The following STK24 variants were observed in gnomAD, a reference collection of about 807,000 sequenced individuals.
The protein encoded by STK24 is serine/threonine-protein kinase 24.
STK24 carries 21 observed loss-of-function variants against 55.6 expected under a neutral mutation model. The ratio of observed to expected loss-of-function variants is 0.38; its 90% CI spans 0.27 to 0.54. The LOEUF (loss-of-function observed/expected upper bound fraction) is 0.54, where lower values mean the gene tolerates loss of function less well. STK24 is among the 20% of genes least tolerant of loss of function. The probability of loss-of-function intolerance (pLI) is 0.79; values close to 1 mark genes in which losing one functional copy is unlikely to be tolerated. For synonymous variants in STK24, 200 were observed against 215.2 expected (o/e 0.93, Z 0.62); for missense variants, 383 against 538.4 (o/e 0.71, Z 2.86).
chr13:98,446,315 A>G lies in STK24; in HGVS notation c.*6858T>C, dbSNP rs1892832290. The G allele has an allele frequency of 4.3e-6, 3 of 704,502 alleles. No individual in the cohort carries two copies. The East Asian group carries it at 7.7e-5, about 18-fold the overall frequency. The allele number at this position is 704,502 out of a possible 1,614,324, so 43.6% of individuals were successfully genotyped here. A position where few individuals can be genotyped will look rare whatever the true frequency, so the allele number is the denominator to read the frequency against. On this transcript the variant is annotated 3_prime_UTR_variant, in exon 11 of 11. Transcript: ENST00000539966. ...TCAGGCCTCTTGGGCTCCAGGTGTC[A>G]CGGGGATGACAGGGATGCTGGCGGG... is the stretch of plus-strand genomic sequence containing the variant.
intron 1 of STK24, among the ~76,000 whole-genome samples, chr13:98,552,552 C>A (rs1252903659): frequency 6.6e-6 from 1 of 152,150 alleles, no homozygotes; most frequent in East Asian, 1.9e-4. Flanking sequence ...AGCTTTTAAA[C>A]CTGGCCTCGA....
At chr13:98,543,093 C>T (rs1015454835) in intron 1 of STK24, 27 of 898,206 alleles carry the variant, frequency 3.0e-5, no homozygotes, top group Middle Eastern at 5.7e-4. Context: ...GCCGCAGCTC[C>T]GCTCCGGCTG....
chr13:98,564,334 G>C (rs1897510677), intron 1 of STK24, among the ~76,000 whole-genome samples: 1 of 152,242 alleles, frequency 6.6e-6, no homozygotes, highest in African/African-American at 2.4e-5. Context: ...GCTAAGAGGA[G>C]CTGGACAGAT....
chr13:98,503,260 G>T (rs1895557378), intron 2 of STK24, among the ~76,000 whole-genome samples: 1 of 152,112 alleles, frequency 6.6e-6, no homozygotes, highest in African/African-American at 2.4e-5. Context: ...GATGGCTGCA[G>T]AAAGTCAGAG....
chr13:98,532,773 CA>C (rs1896615691), intron 1 of STK24, among the ~76,000 whole-genome samples: 1 of 152,210 alleles, frequency 6.6e-6, no homozygotes, highest in Admixed American at 6.5e-5. Flanking sequence ...TGCTTTTCTA[CA>C]CATTACAATA....
intron 9 of STK24, among the ~76,000 whole-genome samples, chr13:98,458,055 A>G (rs1893540486): frequency 6.6e-6 from 1 of 152,252 alleles, no homozygotes; most frequent in Non-Finnish European, 1.5e-5. Flanking sequence ...AAACTCCAGC[A>G]AACTGCCTTT....
At chr13:98,521,687 G>A in intron 1 of STK24, 1 of 721,992 alleles carries the variant, frequency 1.4e-6, no homozygotes, top group Admixed American at 1.9e-5. Flanking sequence ...GGATGCGGGG[G>A]AAGCAGCGCA....
At chr13:98,474,506 C>T (rs1894287745) in intron 5 of STK24, among the ~76,000 whole-genome samples, 1 of 152,254 alleles carries the variant, frequency 6.6e-6, no homozygotes, top group Non-Finnish European at 1.5e-5. Flanking sequence ...CGCCTCCACC[C>T]CTCACCACCA....
At chr13:98,573,879 A>G (rs1897804988) in intron 1 of STK24, among the ~76,000 whole-genome samples, 1 of 152,176 alleles carries the variant, frequency 6.6e-6, no homozygotes, top group South Asian at 2.1e-4. Flanking sequence ...CTACATCTCA[A>G]ACGGTACCGG....
chr13:98,487,163 G>C (rs1234716867), intron 2 of STK24, among the ~76,000 whole-genome samples: 2 of 152,198 alleles, frequency 1.3e-5, no homozygotes, highest in Non-Finnish European at 2.9e-5. Flanking sequence ...GAGCGTCTGA[G>C]TGGCAGCCTG....
intron 1 of STK24, chr13:98,576,234 T>C: frequency 1.0e-6 from 1 of 985,422 alleles, no homozygotes. Context: ...CCTACTCCGC[T>C]CGGGCCCGGA....
chr13:98,514,978 C>T (rs376283993), intron 2 of STK24, among the ~76,000 whole-genome samples: 4 of 151,982 alleles, frequency 2.6e-5, no homozygotes. Context: ...AAATCAGCAG[C>T]CCAAACAGCG....
intron 3 of STK24, among the ~76,000 whole-genome samples, chr13:98,480,035 G>C (rs981963276): frequency 9.2e-5 from 14 of 152,060 alleles, no homozygotes; most frequent in African/African-American, 3.4e-4. Flanking sequence ...CACCCGTGAG[G>C]GTCTCCATTC....
At chr13:98,459,386 G>C (rs530562122) in intron 9 of STK24, among the ~76,000 whole-genome samples, 15 of 152,280 alleles carry the variant, frequency 9.9e-5, no homozygotes, top group African/African-American at 3.6e-4. Context: ...TCGGGCTCTG[G>C]CCACAGCCCT....
chr13:98,571,891 C>T (rs1897749790), intron 1 of STK24, among the ~76,000 whole-genome samples: 1 of 152,186 alleles, frequency 6.6e-6, no homozygotes, highest in South Asian at 2.1e-4. Context: ...TGAAGTGCTG[C>T]AATGCCTTCT....
chr13:98,490,563 T>A (rs893895499), intron 2 of STK24, among the ~76,000 whole-genome samples: 1 of 152,124 alleles, frequency 6.6e-6, no homozygotes, highest in South Asian at 2.1e-4. Context: ...GGGCAGGACA[T>A]ACAATACTAA....
intron 1 of STK24, among the ~76,000 whole-genome samples, chr13:98,563,334 G>A (rs749390706): frequency 1.3e-4 from 20 of 152,110 alleles, no homozygotes; most frequent in Non-Finnish European, 2.9e-5. Flanking sequence ...TTGGGGGACC[G>A]AGGCCAGGAA....
At chr13:98,515,187 T>C (rs1249007165) in intron 2 of STK24, among the ~76,000 whole-genome samples, 2 of 151,806 alleles carry the variant, frequency 1.3e-5, no homozygotes, top group African/African-American at 2.4e-5. Context: ...CAGCATCCCG[T>C]ACTACACCAT....
chr13:98,491,683 T>C (rs1895041533), intron 2 of STK24, among the ~76,000 whole-genome samples: 1 of 126,422 alleles, frequency 7.9e-6, no homozygotes, highest in African/African-American at 2.8e-5. Flanking sequence ...AAACATTCAT[T>C]ACTAAGCCAA....
Sources: allele counts gnomAD v4.1 joint callset (sites outside exome capture counted in the v4.1 genomes callset), GRCh38; gene constraint gnomAD v4.1.1; transcripts MANE v1.5; gene names NCBI Gene and HGNC (gene_info 2026-07-23, HGNC 2026-07-21).